MUSK: variants seen among roughly 807,000 people sequenced by gnomAD.
MUSK encodes muscle associated receptor tyrosine kinase.
In MUSK, 55 loss-of-function variants were observed where a neutral mutation model predicts 88.7. That is an observed-to-expected ratio of 0.62 (90% CI 0.50 to 0.78). The LOEUF (loss-of-function observed/expected upper bound fraction) is 0.78. Among genes scored for constraint, MUSK ranks in the 30% least tolerant of loss-of-function variants. The pLI is 0.00. For missense variants in MUSK, 1,015 were observed against 1,074.3 expected (o/e 0.94, Z 0.77); for synonymous variants, 387 against 391.9 (o/e 0.99, Z 0.15).
chr9:110,773,660 G>C (rs2244922), intron 9 of MUSK, among the ~76,000 whole-genome samples: 45,371 of 151,836 alleles, frequency 0.3, 7,953 homozygotes, highest in African/African-American at 0.47. Context: ...AAAAAATTCT[G>C]TCATTGTACA....
At chr9:110,769,969 T>C (rs1175719934) in intron 9 of MUSK, among the ~76,000 whole-genome samples, 1 of 152,106 alleles carries the variant, frequency 6.6e-6, no homozygotes, top group African/African-American at 2.4e-5. Context: ...GACTCCATTG[T>C]ATAAAAAAAG....
chr9:110,747,305 C>T (rs1419435642), intron 6 of MUSK, among the ~76,000 whole-genome samples: 3 of 152,208 alleles, frequency 2.0e-5, no homozygotes, highest in Admixed American at 6.5e-5. Context: ...CATCTTCTAC[C>T]ATGCTGGCTC....
chr9:110,677,855 G>T (rs1051798344), intron 1 of MUSK, among the ~76,000 whole-genome samples: 1 of 152,068 alleles, frequency 6.6e-6, no homozygotes, highest in African/African-American at 2.4e-5. Context: ...CTGCCTTTTT[G>T]ACTGTGATAG....
chr9:110,705,803 T>C (rs1315131942), intron 5 of MUSK, among the ~76,000 whole-genome samples: 3 of 152,206 alleles, frequency 2.0e-5, no homozygotes, highest in Non-Finnish European at 4.4e-5. Context: ...GTGGAGGCTC[T>C]TCTGGAAAGG....
chr9:110,735,115 G>A (rs1442574916), intron 6 of MUSK, among the ~76,000 whole-genome samples: 1 of 152,052 alleles, frequency 6.6e-6, no homozygotes, highest in Non-Finnish European at 1.5e-5. Context: ...TCATGGGAAT[G>A]GGAATTACTA....
At chr9:110,741,872 T>C (rs1265860090) in intron 6 of MUSK, among the ~76,000 whole-genome samples, 2 of 152,038 alleles carry the variant, frequency 1.3e-5, no homozygotes, top group African/African-American at 2.4e-5. Context: ...GATTTTGGGG[T>C]CCGTTTACAA....
At position 110,700,170 on chromosome 9, in the gene MUSK, T is replaced by C. The variant is rs556316622; in HGVS notation, c.628+2704T>C. ...CAGCATGGATGTCTTTCTGAAAGGA[T>C]GTCCAATGGGAAGGCTAACATTTTA... On this transcript the variant is annotated intron_variant, in intron 5 of 14. Transcript: ENST00000374448. 2.6e-5 allele frequency among the ~76,000 whole-genome samples: 4 copies of C among 152,220 alleles called. No individual in the cohort carries two copies. In the South Asian group the frequency reaches 8.3e-4, roughly 32 times the overall value.
chr9:110,762,224 T>C lies in MUSK; in HGVS notation c.920+16T>C, dbSNP rs778174642. On this transcript the variant is annotated intron_variant, in intron 8 of 14. Coordinates refer to ENST00000374448, the MANE Select transcript of MUSK (RefSeq NM_005592.4). ...TAGAATGGAGGTAAGAAACTGTTAT[T>C]GTAACAATTGTTTCCAATGTTTTGT... 7.1e-7 allele frequency: 1 copy of C among 1,416,632 alleles called. No homozygotes were observed. Among genetic ancestry groups the C allele is most frequent in the South Asian group, 1.6e-5 (1 of 62,906 alleles). 87.8% of individuals were successfully genotyped at this position (1,416,632 alleles called of 1,614,324 possible). A position where few individuals can be genotyped will look rare whatever the true frequency, so the allele number is the denominator to read the frequency against.
intron 5 of MUSK, chr9:110,706,113 C>A: frequency 1.9e-6 from 1 of 530,360 alleles, no homozygotes; most frequent in Non-Finnish European, 3.9e-6. Flanking sequence ...TGGCTTCTGC[C>A]CTCCAGCTAA....
At chr9:110,771,470 T>C (rs894813110) in intron 9 of MUSK, among the ~76,000 whole-genome samples, 2 of 152,178 alleles carry the variant, frequency 1.3e-5, no homozygotes, top group Admixed American at 6.5e-5. Flanking sequence ...TAGTTTTGCT[T>C]GTTCCTGAAT....
chr9:110,768,389 G>A (rs1286103566), intron 9 of MUSK, among the ~76,000 whole-genome samples: 4 of 152,118 alleles, frequency 2.6e-5, no homozygotes, highest in East Asian at 1.9e-4. Flanking sequence ...CCAGCTACTC[G>A]GGAGGCTGAG....
At chr9:110,777,733 G>C (rs946745051) in intron 11 of MUSK, among the ~76,000 whole-genome samples, 2 of 151,968 alleles carry the variant, frequency 1.3e-5, no homozygotes, top group African/African-American at 4.8e-5. Flanking sequence ...TCTTAAATTA[G>C]ACAGGAACAA....
intron 3 of MUSK, among the ~76,000 whole-genome samples, chr9:110,690,041 G>C (rs1278822270): frequency 1.2e-5 from 1 of 81,202 alleles, no homozygotes; most frequent in African/African-American, 5.7e-5. Context: ...ATTAATATAA[G>C]TATAAATATA....
At chr9:110,677,316 A>C (rs748095524) in intron 1 of MUSK, among the ~76,000 whole-genome samples, 1 of 152,188 alleles carries the variant, frequency 6.6e-6, no homozygotes, top group Non-Finnish European at 1.5e-5. Flanking sequence ...CCACCACTGC[A>C]ATCTGGCTTC....
intron 14 of MUSK, among the ~76,000 whole-genome samples, chr9:110,791,024 T>A (rs2077965856): frequency 6.6e-6 from 1 of 152,176 alleles, no homozygotes. Flanking sequence ...TTAAGCTGTT[T>A]AAGGAAGGAA....
chr9:110,804,305 A>G lies in MUSK; in HGVS notation c.*3317A>G, dbSNP rs979085435. On this transcript the variant is annotated 3_prime_UTR_variant, in exon 15 of 15. Coordinates refer to ENST00000374448, the MANE Select transcript of MUSK (RefSeq NM_005592.4). ...AAAGGAAATGTCTGGACCAAATGGC[A>G]TGTACAATATTAACACTTCTGTTAT... 5.9e-5 allele frequency among the ~76,000 whole-genome samples: 9 copies of G among 152,144 alleles called. No homozygotes were observed. Among genetic ancestry groups the G allele is most frequent in the Non-Finnish European group, 1.2e-4 (8 of 67,998 alleles).
chr9:110,767,965 T>C lies in MUSK; in HGVS notation c.1066T>C (p.Trp356Arg). Residue 356 changes from tryptophan (W) to arginine (R), a missense_variant, in exon 9 of 15, where the codon TGG becomes CGG. Coordinates refer to ENST00000374448, the MANE Select transcript of MUSK (RefSeq NM_005592.4). ...EAQELLVHTA[W>R]NELKVVSPVC... ...CCAAGAGCTACTGGTCCACACGGCC[T>C]GGAATGAACTGAAAGTAGTGAGCCC... 1 of 1,613,920 alleles carries C rather than the reference T, an allele frequency of 6.2e-7. No homozygotes were observed. The highest frequency in any genetic ancestry group is 1.1e-5 in the South Asian group (1 of 91,068).
intron 1 of MUSK, among the ~76,000 whole-genome samples, chr9:110,671,135 C>T (rs557315287): frequency 1.6e-4 from 24 of 152,194 alleles, no homozygotes; most frequent in African/African-American, 5.8e-4. Context: ...CCACACTCGG[C>T]TAATTTTTAT....
At position 110,800,186 on chromosome 9, in the gene MUSK, G is replaced by C. The variant is rs1269762069; in HGVS notation, c.1928-120G>C. 503 of 900,998 alleles carry C rather than the reference G, an allele frequency of 5.6e-4. 2 individuals are homozygous for C. The highest frequency in any genetic ancestry group is 1.0e-4 in the Non-Finnish European group (60 of 594,340). 55.8% of individuals were successfully genotyped at this position (900,998 alleles called of 1,614,324 possible). On this transcript the variant is annotated intron_variant, in intron 14 of 14. Transcript: ENST00000374448. ...TACAAATATTAAAAAACAAACATAC[G>C]ACAACAACAACAAAAAACAGGGCTT...
Sources: allele counts gnomAD v4.1 joint callset (sites outside exome capture counted in the v4.1 genomes callset), GRCh38; gene constraint gnomAD v4.1.1; transcripts MANE v1.5; gene names NCBI Gene and HGNC (gene_info 2026-07-23, HGNC 2026-07-21).